N4BP2: variants seen among roughly 807,000 people sequenced by gnomAD.
The protein encoded by N4BP2 is NEDD4-binding protein 2.
In N4BP2, 91 loss-of-function variants were observed where a neutral mutation model predicts 152.8. The ratio of observed to expected loss-of-function variants is 0.60; its 90% confidence interval spans 0.50 to 0.71. The LOEUF is 0.71. Among genes scored for constraint, N4BP2 ranks in the 30% least tolerant of loss-of-function variants. The pLI is 0.00. For missense variants in N4BP2, 1,923 were observed against 2,059.1 expected (o/e 0.93, Z 1.28); for synonymous variants, 646 against 705.3 (o/e 0.92, Z 1.33).
intron 9 of N4BP2, 151 bp from the exon 10 acceptor site, chr4:40,122,976 T>C: frequency 1.9e-6 from 1 of 535,352 alleles, no homozygotes; most frequent in Non-Finnish European, 3.3e-6. Flanking sequence ...ATAACATAAA[T>C]AGAAATACTC....
rs1244620579 is a variant in N4BP2 at position 40,148,928 on chromosome 4, G to GA, written c.5144-3842dup. On this transcript the variant is annotated intron_variant, in intron 16 of 17. Coordinates refer to ENST00000261435, the MANE Select transcript of N4BP2 (RefSeq NM_018177.6). ...TGGATGACAGAGTGAGACTCTCTAA[G>GA]AAAAAAAAAATTGAAAAATCGAAAA... Among the ~76,000 whole-genome samples the GA allele has an allele frequency of 3.2e-3, 471 of 149,168 alleles. 2 individuals are homozygous for GA. The highest frequency in any genetic ancestry group is 0.011 in the African/African-American group (441 of 40,612).
At chr4:40,075,177 G>T (rs1712605402) in intron 2 of N4BP2, among the ~76,000 whole-genome samples, 1 of 152,020 alleles carries the variant, frequency 6.6e-6, no homozygotes. Flanking sequence ...ATTATTAGTT[G>T]TAGATATAAA....
At chr4:40,068,821 C>T (rs1047180315) in intron 1 of N4BP2, among the ~76,000 whole-genome samples, 7 of 152,020 alleles carry the variant, frequency 4.6e-5, no homozygotes, top group Non-Finnish European at 8.8e-5. Context: ...AATTTTTATC[C>T]TTTAAAAAAT....
intron 2 of N4BP2, among the ~76,000 whole-genome samples, chr4:40,086,631 G>A (rs1413082345): frequency 6.6e-6 from 1 of 151,438 alleles, no homozygotes; most frequent in Admixed American, 6.6e-5. Context: ...CACCGGGCCC[G>A]ACCAAATAAA....
chr4:40,096,407 G>A (rs889010247), intron 2 of N4BP2, among the ~76,000 whole-genome samples: 1 of 152,150 alleles, frequency 6.6e-6, no homozygotes, highest in African/African-American at 2.4e-5. Context: ...GGAGAACATT[G>A]CTGGTGTGTT....
In N4BP2 at chr4:40,121,900, T is replaced by C; in HGVS notation, c.3789T>C (p.Ser1263=). The C allele has an allele frequency of 6.3e-7, 1 of 1,597,530 alleles. No homozygotes were observed. ...AAGCTACTACTCCTAAAGATATGAG[T>C]GAAACAGAAAAAAACCTAGTAGTCA... is the stretch of plus-strand genomic sequence containing the variant. ...ILKATTPKDM[S]ETEKNLVVTE... is the part of the protein sequence containing the mutation. Residue 1263 remains serine (S), a synonymous_variant, in exon 9 of 18, where the codon AGT becomes AGC. Transcript: ENST00000261435.
chr4:40,181,909 A>G, the N4BP2 span, among the ~76,000 whole-genome samples: 1 of 152,238 alleles, frequency 6.6e-6, no homozygotes, highest in Non-Finnish European at 1.5e-5. Flanking sequence ...AGATCATGCT[A>G]CTGCACTCCA....
intron 2 of N4BP2, among the ~76,000 whole-genome samples, chr4:40,087,276 A>T (rs10000000): frequency 0.12 from 18,359 of 150,174 alleles, 1,764 homozygotes; most frequent in East Asian, 0.42. Flanking sequence ...TAAAAAAAAA[A>T]TTTTTTTTAA....
At chr4:40,098,507 C>T (rs143302329) in intron 3 of N4BP2, among the ~76,000 whole-genome samples, 1 of 152,054 alleles carries the variant, frequency 6.6e-6, no homozygotes, top group African/African-American at 2.4e-5. Flanking sequence ...AATGTTGATG[C>T]TTAGTATTGT....
At chr4:40,059,204 G>A (rs555091874) in intron 1 of N4BP2, among the ~76,000 whole-genome samples, 1 of 152,176 alleles carries the variant, frequency 6.6e-6, no homozygotes, top group African/African-American at 2.4e-5. Context: ...TTTTTGATAT[G>A]CAAAGCAGCA....
chr4:40,123,079 TATA>T (rs1180496182), intron 9 of N4BP2, 45 bp from the exon 10 acceptor site: 2 of 1,226,258 alleles, frequency 1.6e-6, no homozygotes, highest in South Asian at 1.3e-5. Context: ...TCTGCAAATA[TATA>T]ATGAGTAATG....
chr4:40,141,117 A>G (rs1719890569), intron 14 of N4BP2, among the ~76,000 whole-genome samples: 1 of 151,944 alleles, frequency 6.6e-6, no homozygotes, highest in African/African-American at 2.4e-5. Flanking sequence ...CACCTCCCAG[A>G]TGGAGTGGTG....
At position 40,102,788 on chromosome 4, in the gene N4BP2, T is replaced by A; in HGVS notation, c.943T>A (p.Ser315Thr). 1 of 1,614,200 alleles carries A rather than the reference T, an allele frequency of 6.2e-7. No homozygotes were observed. Residue 315 changes from serine (S) to threonine (T), a missense_variant, in exon 4 of 18, where the codon TCT becomes ACT. Ser to Thr is a moderately conservative substitution (Grantham distance 58). Transcript: ENST00000261435. ...TGGGGATCAGAAATCTACTCGGGTCTCTGATGTGTTTCTACCTTCCGAAGG... is the reference window on the plus strand; with the variant it reads ...TGGGGATCAGAAATCTACTCGGGTCACTGATGTGTTTCTACCTTCCGAAGG... ...TGGDQKSTRV[S>T]DVFLPSEGFN... is the part of the protein sequence containing the mutation.
At chr4:40,145,440 T>C (rs772323971) in intron 16 of N4BP2, among the ~76,000 whole-genome samples, 5 of 152,118 alleles carry the variant, frequency 3.3e-5, no homozygotes, top group Non-Finnish European at 7.4e-5. Context: ...GCCAGGCTGG[T>C]CTTGAACTCC....
At chr4:40,078,112 A>AGTGTGTGT (rs1560574647) in intron 2 of N4BP2, 2 of 92,698 alleles carry the variant, frequency 2.2e-5, no homozygotes, top group East Asian at 4.6e-4. Context: ...AATATTTCTA[A>AGTGTGTGT]ATGTGTGTGT....
chr4:40,101,934 T>A (rs533441853), intron 3 of N4BP2, 141 bp from the exon 4 acceptor site: 42 of 479,974 alleles, frequency 8.8e-5, no homozygotes, highest in South Asian at 5.6e-4. Context: ...ATTAATTTTT[T>A]AAAAATAACA....
the N4BP2 span, among the ~76,000 whole-genome samples, chr4:40,165,979 T>A: frequency 5.8e-3 from 885 of 152,300 alleles, 9 homozygotes; most frequent in African/African-American, 0.02. Context: ...CCTTCCCATT[T>A]TCTTTCTGTT....
chr4:40,058,682 A>G (rs997516833), intron 1 of N4BP2, among the ~76,000 whole-genome samples: 1 of 152,070 alleles, frequency 6.6e-6, no homozygotes, highest in Non-Finnish European at 1.5e-5. Context: ...TGGTAGAGGC[A>G]TGTTTTTTCC....
At chr4:40,094,810 C>T (rs1170401646) in intron 2 of N4BP2, among the ~76,000 whole-genome samples, 1 of 151,704 alleles carries the variant, frequency 6.6e-6, no homozygotes, top group Non-Finnish European at 1.5e-5. Flanking sequence ...CCTCGACCTC[C>T]CAAAACGCTG....
Sources: gnomAD v4.1 joint callset for allele counts (sites outside exome capture counted in the v4.1 genomes callset) on GRCh38, gnomAD v4.1.1 for gene constraint, MANE v1.5 for transcripts, NCBI Gene and HGNC (gene_info 2026-07-23, HGNC 2026-07-21) for gene names.